The following PCDH15 variants were observed in gnomAD, a reference collection of about 807,000 sequenced individuals.
PCDH15 encodes the protein protocadherin-15.
A neutral mutation model predicts 178.5 loss-of-function variants in PCDH15; 129 were observed. That is an observed-to-expected ratio of 0.72 (90% CI 0.63 to 0.84). The LOEUF is 0.84. Ranked by LOEUF, PCDH15 falls within the 40% of genes least tolerant of loss-of-function variation. The probability of loss-of-function intolerance (pLI) is 0.00; values close to 1 mark genes in which losing one functional copy is unlikely to be tolerated. For missense variants in PCDH15, 2,230 were observed against 2,099.9 expected (o/e 1.06, Z -1.21); for synonymous variants, 800 against 732.0 (o/e 1.09, Z -1.50).
chr10:55,582,628 A>ATATATATATATATTTTT (rs780312007), intron 2 of PCDH15, among the ~76,000 whole-genome samples: 6 of 69,034 alleles, frequency 8.7e-5, no homozygotes, highest in African/African-American at 4.0e-4. Context: ...ATATATATAT[A>ATATATATATATATTTTT]TTTTTTTTTT....
chr10:55,210,217 G>A (rs549141300), intron 1 of PCDH15, among the ~76,000 whole-genome samples: 2 of 152,094 alleles, frequency 1.3e-5, no homozygotes, highest in African/African-American at 2.4e-5. Flanking sequence ...AGCAGATGAT[G>A]CCACATTATA....
chr10:54,260,839 G>T (rs1337576922), intron 8 of PCDH15, among the ~76,000 whole-genome samples: 2 of 152,076 alleles, frequency 1.3e-5, no homozygotes, highest in Non-Finnish European at 2.9e-5. Flanking sequence ...GGGCATTTTG[G>T]CCAGGCTGGT....
In PCDH15 at chr10:53,803,785, T is replaced by G. The variant is rs917104629; in HGVS notation, c.*2794A>C. ...TTCTAAAATCAACGGGTTGCAATAT[T>G]AGTCATTACATCATTCTGTTCTCAC... On this transcript the variant is annotated 3_prime_UTR_variant, in exon 38 of 38. Transcript: ENST00000644397. The G allele has an allele frequency of 6.6e-6, 1 of 151,986 alleles. No homozygotes were observed. Among genetic ancestry groups the G allele is most frequent in the Non-Finnish European group, 1.5e-5 (1 of 67,890 alleles). The allele number at this position is 151,986 out of a possible 1,614,324, so 9.4% of individuals were successfully genotyped here.
chr10:55,203,900 G>C (rs2132161841), intron 1 of PCDH15, among the ~76,000 whole-genome samples: 1 of 151,948 alleles, frequency 6.6e-6, no homozygotes, highest in South Asian at 2.1e-4. Flanking sequence ...GATTCTAAGA[G>C]ATTTGGTGGT....
chr10:54,860,518 T>C (rs1002550046), intron 3 of PCDH15, among the ~76,000 whole-genome samples: 1 of 152,232 alleles, frequency 6.6e-6, no homozygotes, highest in African/African-American at 2.4e-5. Flanking sequence ...TTCCATGGTA[T>C]AGATGTACAA....
At chr10:55,056,099 C>T (rs1428646605) in intron 2 of PCDH15, among the ~76,000 whole-genome samples, 1 of 152,146 alleles carries the variant, frequency 6.6e-6, no homozygotes, top group Non-Finnish European at 1.5e-5. Flanking sequence ...GGCTTACCAT[C>T]TAAATTCCGC....
chr10:55,530,118 C>A lies in PCDH15; in HGVS notation c.-156+97507G>T, dbSNP rs185532768. Among the ~76,000 whole-genome samples, 629 of 151,726 alleles carry A rather than the reference C, an allele frequency of 4.1e-3. 4 individuals carry two copies. The highest frequency in any genetic ancestry group is 0.023 in the South Asian group (109 of 4,810). ...TTTCACTATTTGTGTATAATAATGA[C>A]ATATTTTTAAGTTCATTCTTTCTTA... is the stretch of plus-strand genomic sequence containing the variant. On this transcript the variant is annotated intron_variant, in intron 2 of 5. Transcript: ENST00000613346.
intron 12 of PCDH15, 61 bp downstream of exon 12, chr10:54,185,073 A>G: frequency 6.3e-7 from 1 of 1,583,554 alleles, no homozygotes; most frequent in Non-Finnish European, 8.7e-7. Context: ...TTTCAGTTCC[A>G]TACAAACATA....
chr10:54,084,350 G>C (rs2094483251), intron 16 of PCDH15, among the ~76,000 whole-genome samples: 1 of 151,850 alleles, frequency 6.6e-6, no homozygotes, highest in Non-Finnish European at 1.5e-5. Flanking sequence ...GTGGGTGCCT[G>C]TAGTCCCAGC....
intron 2 of PCDH15, among the ~76,000 whole-genome samples, chr10:55,364,318 C>T (rs1223291363): frequency 1.3e-5 from 2 of 152,106 alleles, no homozygotes; most frequent in African/African-American, 4.8e-5. Context: ...TACATTATTC[C>T]TCATATCTAA....
chr10:55,252,446 T>G (rs1841863625), intron 1 of PCDH15, among the ~76,000 whole-genome samples: 1 of 152,142 alleles, frequency 6.6e-6, no homozygotes, highest in African/African-American at 2.4e-5. Context: ...TATTTAATTA[T>G]TATTTATGTT....
intron 15 of PCDH15, among the ~76,000 whole-genome samples, chr10:54,094,387 A>G (rs562232784): frequency 6.6e-6 from 1 of 152,320 alleles, no homozygotes; most frequent in East Asian, 1.9e-4. Flanking sequence ...TTACACTTAT[A>G]GAAGTGATCA....
chr10:54,896,889 A>G (rs532439865), intron 3 of PCDH15, among the ~76,000 whole-genome samples: 4 of 152,308 alleles, frequency 2.6e-5, no homozygotes, highest in African/African-American at 9.6e-5. Context: ...TCAATTTAAT[A>G]TTAGGTGCTT....
chr10:54,326,120 C>A (rs193267098), intron 7 of PCDH15, among the ~76,000 whole-genome samples: 1 of 152,234 alleles, frequency 6.6e-6, no homozygotes, highest in East Asian at 1.9e-4. Context: ...ACTGTAAATG[C>A]TCCCAGCATG....
intron 2 of PCDH15, among the ~76,000 whole-genome samples, chr10:55,625,895 G>A (rs963556738): frequency 6.6e-5 from 10 of 151,944 alleles, no homozygotes; most frequent in East Asian, 3.9e-4. Flanking sequence ...CACCACTTTC[G>A]TGGTACTCTG....
chr10:54,734,859 A>G (rs530152754), intron 1 of PCDH15, among the ~76,000 whole-genome samples: 2 of 148,326 alleles, frequency 1.3e-5, no homozygotes, highest in South Asian at 4.2e-4. Flanking sequence ...GCAAAACTAT[A>G]AGAAAGAGAA....
At chr10:55,135,251 C>T (rs148260478) in intron 2 of PCDH15, among the ~76,000 whole-genome samples, 56 of 152,220 alleles carry the variant, frequency 3.7e-4, no homozygotes, top group South Asian at 1.7e-3. Flanking sequence ...GGGATAACAA[C>T]GGATCTGACT....
chr10:53,969,168 C>T (rs556934544), intron 21 of PCDH15, among the ~76,000 whole-genome samples: 1 of 152,210 alleles, frequency 6.6e-6, no homozygotes, highest in South Asian at 2.1e-4. Flanking sequence ...CTTAAATGAC[C>T]TGATGGAGCT....
At chr10:55,416,223 A>G (rs1463727002) in intron 2 of PCDH15, among the ~76,000 whole-genome samples, 1 of 151,744 alleles carries the variant, frequency 6.6e-6, no homozygotes, top group Non-Finnish European at 1.5e-5. Context: ...TCTTTCCCTT[A>G]GTAACATCCT....
Sources: allele counts gnomAD v4.1 joint callset (sites outside exome capture counted in the v4.1 genomes callset), GRCh38; gene constraint gnomAD v4.1.1; transcripts MANE v1.5; gene names NCBI Gene and HGNC (gene_info 2026-07-23, HGNC 2026-07-21).